CTDP1: variants seen among roughly 807,000 people sequenced by gnomAD.
The protein encoded by CTDP1 is CTD phosphatase 1, also known as RNA polymerase II subunit A C-terminal domain phosphatase.
Under a neutral mutation model 91.8 loss-of-function variants are expected in CTDP1, and 47 were observed. The ratio of observed to expected loss-of-function variants is 0.51; its 90% CI spans 0.41 to 0.65. The LOEUF is 0.65. Ranked by LOEUF, CTDP1 falls within the 30% of genes least tolerant of loss-of-function variation. The pLI is 0.00. For synonymous variants in CTDP1, 656 were observed against 598.5 expected, an observed-to-expected ratio of 1.10 and a Z score of -1.40; for missense variants, 1,272 against 1,373.7, an observed-to-expected ratio of 0.93 and a Z score of 1.17.
At chr18:79,679,310 C>T (rs1371825482), upstream of CTDP1, 5 of 422,906 alleles carry the variant, frequency 1.2e-5, no homozygotes, top group Non-Finnish European at 2.4e-5. Flanking sequence ...GGCGGGGCCA[C>T]CAGGACGCCG....
At chr18:79,746,657 C>G (rs1437460809) in intron 12 of CTDP1, among the ~76,000 whole-genome samples, 1 of 152,224 alleles carries the variant, frequency 6.6e-6, no homozygotes, top group Non-Finnish European at 1.5e-5. Flanking sequence ...CACTCTGTTG[C>G]CTGGGCTGGA....
chr18:79,695,813 G>C (rs1347369901), intron 2 of CTDP1, among the ~76,000 whole-genome samples, 164 bp from the exon 3 acceptor site: 1 of 152,214 alleles, frequency 6.6e-6, no homozygotes, highest in Non-Finnish European at 1.5e-5. Flanking sequence ...CAGTTTTCCT[G>C]TCTGTGGAGA....
At chr18:79,693,296 A>G (rs2085661329) in intron 1 of CTDP1, among the ~76,000 whole-genome samples, 1 of 152,046 alleles carries the variant, frequency 6.6e-6, no homozygotes, top group South Asian at 2.1e-4. Context: ...TTTTAGGTTA[A>G]GTCTCTGCTC....
At chr18:79,692,106 T>TGG (rs1226618883) in intron 1 of CTDP1, among the ~76,000 whole-genome samples, 1 of 33,216 alleles carries the variant, frequency 3.0e-5, no homozygotes, top group African/African-American at 1.5e-4. Context: ...GGACTCGGGG[T>TGG]GGGAGAAGAG....
intron 1 of CTDP1, among the ~76,000 whole-genome samples, chr18:79,690,640 G>A (rs922386326): frequency 3.3e-5 from 5 of 152,162 alleles, no homozygotes; most frequent in South Asian, 2.1e-4. Context: ...AAAAGACATT[G>A]CTCTCTGCTC....
At chr18:79,679,700 G>C (rs2085311247), upstream of CTDP1, 1 of 534,392 alleles carries the variant, frequency 1.9e-6, no homozygotes. Context: ...ACGCAGGGTT[G>C]GTCCCAGGAC....
chr18:79,685,338 C>T (rs915621752), intron 1 of CTDP1: 2 of 152,092 alleles, frequency 1.3e-5, no homozygotes, highest in African/African-American at 4.8e-5. Context: ...TTTGCTTTGG[C>T]TTTTTCCCAG....
At chr18:79,704,708 CG>C (rs1455284932) in intron 4 of CTDP1, 58 bp from the exon 5 acceptor site, 2 of 1,604,242 alleles carry the variant, frequency 1.2e-6, no homozygotes, top group Non-Finnish European at 8.5e-7. Context: ...ACACAGGTTG[CG>C]GGGGCGGCCG....
At chr18:79,707,023 T>C (rs1181049492) in intron 5 of CTDP1, among the ~76,000 whole-genome samples, 1 of 152,280 alleles carries the variant, frequency 6.6e-6, no homozygotes, top group East Asian at 1.9e-4. Context: ...TGGGCTTCTT[T>C]AGGTTCGCTG....
At chr18:79,718,912 A>C (rs2086275332) in intron 10 of CTDP1, among the ~76,000 whole-genome samples, 1 of 152,104 alleles carries the variant, frequency 6.6e-6, no homozygotes, top group Non-Finnish European at 1.5e-5. Context: ...CTCACGGTTA[A>C]TGGGGAGATG....
At chr18:79,688,614 C>T (rs1170635853) in intron 1 of CTDP1, among the ~76,000 whole-genome samples, 1 of 151,550 alleles carries the variant, frequency 6.6e-6, no homozygotes, top group Non-Finnish European at 1.5e-5. Flanking sequence ...TGGCCAGGCT[C>T]ATCTCGAACT....
In CTDP1 at chr18:79,679,961, C is replaced by T. The variant is rs571765834; in HGVS notation, c.14C>T (p.Ala5Val). 33 of 1,380,722 alleles carry T rather than the reference C, an allele frequency of 2.4e-5. No individual in the cohort carries two copies. Among genetic ancestry groups the T allele is most frequent in the Non-Finnish European group, 3.1e-5 (33 of 1,062,428 alleles). 85.5% of individuals were successfully genotyped at this position (1,380,722 alleles called of 1,614,324 possible). A position where few individuals can be genotyped will look rare whatever the true frequency, so the allele number is the denominator to read the frequency against. The change falls in exon 1 of 13, where the codon GCC becomes GTC. Residue 5 changes from alanine to valine, a missense_variant. This residue lies in a region of CTDP1 where 214 missense variants were observed against 179.1 expected (regional missense o/e 1.19). Transcript: ENST00000613122. MEVP[A>V]AGRVPAEGAP... ...CCTCTGTCCGCGATGGAGGTGCCGGCCGCGGGTCGCGTTCCTGCCGAGGGC... is the reference window on the plus strand; with the variant it reads ...CCTCTGTCCGCGATGGAGGTGCCGGTCGCGGGTCGCGTTCCTGCCGAGGGC...
intron 6 of CTDP1, 61 bp downstream of exon 6, chr18:79,710,497 G>A (rs989129051): frequency 2.2e-5 from 28 of 1,291,460 alleles, no homozygotes; most frequent in South Asian, 4.7e-5. Context: ...TTCAAAAATC[G>A]CATCTTGAAA....
In CTDP1 at chr18:79,680,162, G is replaced by T. The variant is rs996752979; in HGVS notation, c.215G>T (p.Gly72Val). Residue 72 changes from glycine (G) to valine (V), a missense_variant, in exon 1 of 13, where the codon GGC becomes GTC. By Grantham distance (109) the Gly-to-Val change is moderately radical. Transcript: ENST00000613122. The part of the protein sequence containing the change: ...GASQSRVASG[G>V]CVRPARPERR... ...TCTCAGTCCCGTGTAGCCTCCGGGG[G>T]CTGCGTGCGCCCCGCGCGGCCGGAA... 2 of 1,394,314 alleles carry T rather than the reference G, an allele frequency of 1.4e-6. No individual in the cohort carries two copies. Among genetic ancestry groups the T allele is most frequent in the Non-Finnish European group, 9.3e-7 (1 of 1,079,362 alleles). 86.4% of individuals were successfully genotyped at this position (1,394,314 alleles called of 1,614,324 possible).
intron 12 of CTDP1, among the ~76,000 whole-genome samples, chr18:79,747,055 T>C (rs1378662179): frequency 6.6e-6 from 1 of 152,246 alleles, no homozygotes; most frequent in Admixed American, 6.5e-5. Context: ...GGTACAAAGC[T>C]GCTGAATCAA....
intron 1 of CTDP1, among the ~76,000 whole-genome samples, chr18:79,688,798 G>A (rs930724382): frequency 4.6e-5 from 7 of 151,050 alleles, no homozygotes; most frequent in Non-Finnish European, 7.4e-5. Context: ...CCTCAGCCTC[G>A]CTAAGTGCTG....
At position 79,704,932 on chromosome 18, in the gene CTDP1, A is replaced by G. The variant is rs375186274; in HGVS notation, c.772+15A>G. On this transcript the variant is annotated intron_variant, in intron 5 of 12. Coordinates refer to ENST00000613122, the MANE Select transcript of CTDP1 (RefSeq NM_004715.5). ...CACCATCGCAGGTCAGTCAAGCCGC[A>G]GCCGAAGAGGCCGTGTGAACAGTGG... 16 of 1,612,712 alleles carry G rather than the reference A, an allele frequency of 9.9e-6. No homozygotes were observed. The African/African-American group carries it at 2.1e-4, about 22-fold the overall frequency.
chr18:79,756,264 C>T (rs1169840360), downstream of CTDP1: 1 of 152,374 alleles, frequency 6.6e-6, no homozygotes. Context: ...ACTGCAGGGA[C>T]TCCAAGAGCC....
chr18:79,748,183 T>G (rs1378369230), intron 12 of CTDP1, among the ~76,000 whole-genome samples: 3 of 152,254 alleles, frequency 2.0e-5, no homozygotes, highest in Admixed American at 1.3e-4. Context: ...AACCATAGTC[T>G]GCAGCTGTGT....
Sources: allele counts gnomAD v4.1 joint callset (sites outside exome capture counted in the v4.1 genomes callset), GRCh38; gene constraint gnomAD v4.1.1; regional missense constraint gnomAD v4.1.1; transcripts MANE v1.5; gene names NCBI Gene and HGNC (gene_info 2026-07-23, HGNC 2026-07-21).